NRXN1: variants seen among roughly 807,000 people sequenced by gnomAD.
NRXN1 encodes neurexin 1.
Under a neutral mutation model 150.9 loss-of-function variants are expected in NRXN1, and 39 were observed. The ratio of observed to expected loss-of-function variants is 0.26; its 90% CI spans 0.20 to 0.34. The LOEUF is 0.34. NRXN1 is among the 10% of genes least tolerant of loss of function. The pLI, the probability that NRXN1 is intolerant of heterozygous loss-of-function variation, is 1.00. For synonymous variants in NRXN1, 924 were observed against 757.0 expected, an observed-to-expected ratio of 1.22 and a Z score of -3.62; for missense variants, 1,815 against 1,949.9, an observed-to-expected ratio of 0.93 and a Z score of 1.30.
chr2:50,584,329 T>C (rs1322368835), intron 8 of NRXN1, among the ~76,000 whole-genome samples: 1 of 152,194 alleles, frequency 6.6e-6, no homozygotes, highest in African/African-American at 2.4e-5. Context: ...TGTGTGGCCA[T>C]ATGTTCCTAT....
chr2:50,874,746 C>T (rs1351077729), intron 5 of NRXN1, among the ~76,000 whole-genome samples: 1 of 151,792 alleles, frequency 6.6e-6, no homozygotes, highest in Non-Finnish European at 1.5e-5. Flanking sequence ...CATTTCATTT[C>T]CTGTGGGGCC....
chr2:50,026,398 C>T (rs530112036), intron 21 of NRXN1, among the ~76,000 whole-genome samples: 1 of 152,166 alleles, frequency 6.6e-6, no homozygotes, highest in Non-Finnish European at 1.5e-5. Context: ...TATTTTTCAA[C>T]ACCAAATGAA....
chr2:50,139,124 G>T (rs1706857168), intron 18 of NRXN1, among the ~76,000 whole-genome samples: 1 of 152,146 alleles, frequency 6.6e-6, no homozygotes, highest in African/African-American at 2.4e-5. Flanking sequence ...TCAGGCATTT[G>T]AGACTAGCCT....
chr2:50,953,432 A>G (rs1196298803), intron 2 of NRXN1, among the ~76,000 whole-genome samples: 1 of 152,210 alleles, frequency 6.6e-6, no homozygotes, highest in Non-Finnish European at 1.5e-5. Flanking sequence ...TGGTATAAGC[A>G]TTTTACGTCA....
intron 17 of NRXN1, among the ~76,000 whole-genome samples, chr2:50,292,766 C>T (rs1016023414): frequency 6.6e-6 from 1 of 152,160 alleles, no homozygotes; most frequent in African/African-American, 2.4e-5. Flanking sequence ...ATTTGGAGTG[C>T]ACCTTTGATG....
At chr2:50,150,670 AT>A (rs1306937306) in intron 18 of NRXN1, among the ~76,000 whole-genome samples, 8 of 151,688 alleles carry the variant, frequency 5.3e-5, no homozygotes, top group Non-Finnish European at 8.9e-5. Context: ...ACCTATCTAT[AT>A]TTTTTTGTTT....
At chr2:51,024,583 A>G (rs1670131924) in intron 2 of NRXN1, among the ~76,000 whole-genome samples, 1 of 152,200 alleles carries the variant, frequency 6.6e-6, no homozygotes, top group African/African-American at 2.4e-5. Flanking sequence ...ACACAAAGCC[A>G]GGATGAAATT....
intron 2 of NRXN1, among the ~76,000 whole-genome samples, chr2:50,973,446 T>C (rs1695334005): frequency 6.6e-6 from 1 of 152,176 alleles, no homozygotes; most frequent in African/African-American, 2.4e-5. Flanking sequence ...AGATTAATCC[T>C]CTATTTCTGC....
intron 17 of NRXN1, among the ~76,000 whole-genome samples, chr2:50,375,981 G>A (rs2080459287): frequency 6.6e-6 from 1 of 151,376 alleles, no homozygotes; most frequent in Admixed American, 6.6e-5. Flanking sequence ...AGCTCTGGAG[G>A]ACAAAATATT....
In NRXN1 at chr2:49,976,866, C is replaced by T. The variant is rs192424331; in HGVS notation, c.4129-33075G>A. Among the ~76,000 whole-genome samples, 9 of 152,314 alleles carry T rather than the reference C, an allele frequency of 5.9e-5. No individual in the cohort carries two copies. In the East Asian group the frequency reaches 1.7e-3, roughly 29 times the overall value. On this transcript the variant is annotated intron_variant, in intron 21 of 22. Coordinates refer to ENST00000401669, the MANE Select transcript of NRXN1 (RefSeq NM_001330078.2). The stretch of plus-strand genomic sequence containing the variant: ...TAAATGATTTGTATATTTACCCAGA[C>T]ATGGGCAAATTAACCTCTTCAAGCC...
chr2:50,670,613 G>GT (rs1297168976), intron 5 of NRXN1, among the ~76,000 whole-genome samples: 1 of 151,820 alleles, frequency 6.6e-6, no homozygotes. Flanking sequence ...GACTTCACCA[G>GT]TTTTTCCATG....
At chr2:50,759,559 C>T (rs925896149) in intron 5 of NRXN1, among the ~76,000 whole-genome samples, 1 of 151,692 alleles carries the variant, frequency 6.6e-6, no homozygotes, top group Non-Finnish European at 1.5e-5. Flanking sequence ...TCCAATGAGA[C>T]AATTTATAAG....
chr2:50,661,414 T>A (rs1687284344), intron 5 of NRXN1, among the ~76,000 whole-genome samples: 1 of 152,046 alleles, frequency 6.6e-6, no homozygotes, highest in South Asian at 2.1e-4. Flanking sequence ...GTGCATGAAT[T>A]TCTCTTTACT....
At chr2:50,027,964 G>T (rs72889543) in intron 21 of NRXN1, among the ~76,000 whole-genome samples, 4,861 of 152,122 alleles carry the variant, frequency 0.032, 252 homozygotes, top group African/African-American at 0.11. Context: ...CTGTCTTCAA[G>T]ATCTTTGTGT....
At chr2:50,698,854 T>C (rs1693322678) in intron 5 of NRXN1, among the ~76,000 whole-genome samples, 1 of 152,334 alleles carries the variant, frequency 6.6e-6, no homozygotes, top group East Asian at 1.9e-4. Context: ...TGTTTCTCTC[T>C]TTCTCATTTC....
At chr2:50,936,586 A>G (rs1688576890) in intron 2 of NRXN1, among the ~76,000 whole-genome samples, 1 of 152,166 alleles carries the variant, frequency 6.6e-6, no homozygotes, top group Non-Finnish European at 1.5e-5. Context: ...GCAGCTATCT[A>G]AAGTAAACTA....
intron 5 of NRXN1, among the ~76,000 whole-genome samples, chr2:50,826,525 G>A (rs914160503): frequency 1.3e-5 from 2 of 152,068 alleles, no homozygotes; most frequent in Admixed American, 1.3e-4. Flanking sequence ...CTGTGAAAAT[G>A]AAAAGACCCA....
At chr2:50,531,012 T>C (rs901626772) in intron 11 of NRXN1, among the ~76,000 whole-genome samples, 4 of 151,874 alleles carry the variant, frequency 2.6e-5, no homozygotes, top group African/African-American at 4.8e-5. Context: ...CCCTCAGTGG[T>C]AGAAATCACA....
intron 21 of NRXN1, among the ~76,000 whole-genome samples, chr2:49,975,230 G>A (rs1010043299): frequency 3.3e-5 from 5 of 151,620 alleles, no homozygotes; most frequent in African/African-American, 1.2e-4. Context: ...CTCAAAAGTA[G>A]CATAAAACAA....
Sources: allele counts gnomAD v4.1 joint callset (sites outside exome capture counted in the v4.1 genomes callset), GRCh38; gene constraint gnomAD v4.1.1; transcripts MANE v1.5; gene names NCBI Gene and HGNC (gene_info 2026-07-23, HGNC 2026-07-21).